TRPM3: variants seen among roughly 807,000 people sequenced by gnomAD.
The protein encoded by TRPM3 is long transient receptor potential channel 3.
In TRPM3, 77 loss-of-function variants were observed where a neutral mutation model predicts 181.2. The observed-to-expected ratio is 0.42, with a 90% confidence interval of 0.35 to 0.51. TRPM3 has a LOEUF of 0.51. TRPM3 is among the 20% of genes least tolerant of loss of function. TRPM3 has a pLI of 0.01. For synonymous variants in TRPM3, 745 were observed against 796.4 expected (o/e 0.94, Z 1.09); for missense variants, 1,759 against 2,196.7 (o/e 0.80, Z 3.98).
intron 1 of TRPM3, among the ~76,000 whole-genome samples, chr9:71,075,853 G>A (rs1160761413): frequency 5.9e-5 from 9 of 152,128 alleles, no homozygotes; most frequent in Non-Finnish European, 1.3e-4. Flanking sequence ...TCATGTCAAC[G>A]GAGTGCATTA....
In TRPM3 at chr9:70,942,352, C is replaced by T. The variant is rs540546184; in HGVS notation, c.178-77841G>A. 2.0e-5 allele frequency among the ~76,000 whole-genome samples: 3 copies of T among 152,250 alleles called. No homozygotes were observed. In the South Asian group the frequency reaches 6.2e-4, roughly 32 times the overall value. On this transcript the variant is annotated intron_variant, in intron 1 of 25. Transcript: ENST00000677713. ...GGAATCTGAGGCAAAGAAGAGATTA[C>T]TATAAACATATCTAGGCCAAAATGC...
At chr9:70,949,709 G>A (rs2096976797) in intron 1 of TRPM3, among the ~76,000 whole-genome samples, 1 of 151,994 alleles carries the variant, frequency 6.6e-6, no homozygotes, top group African/African-American at 2.4e-5. Flanking sequence ...CAACCTGAAT[G>A]TAATCTTAAA....
chr9:71,100,931 A>G (rs1191328956), intron 1 of TRPM3, among the ~76,000 whole-genome samples: 6 of 152,096 alleles, frequency 3.9e-5, no homozygotes, highest in Non-Finnish European at 8.8e-5. Flanking sequence ...TACATTTTCT[A>G]TCCTGGCAAG....
chr9:71,380,681 T>C (rs1188595725), intron 1 of TRPM3, among the ~76,000 whole-genome samples: 1 of 152,098 alleles, frequency 6.6e-6, no homozygotes, highest in Middle Eastern at 3.2e-3. Context: ...AAAATAAAAG[T>C]GACTTTATTA....
intron 1 of TRPM3, among the ~76,000 whole-genome samples, chr9:71,078,440 G>C (rs990011442): frequency 9.9e-5 from 15 of 152,224 alleles, no homozygotes; most frequent in African/African-American, 3.1e-4. Context: ...TGCTTCTTGG[G>C]AGAAAGCATT....
chr9:70,635,461 G>GA (rs1458615699), intron 11 of TRPM3, among the ~76,000 whole-genome samples, 200 bp from the exon 12 acceptor site: 39 of 68,846 alleles, frequency 5.7e-4, no homozygotes, highest in Non-Finnish European at 9.4e-4. Context: ...CTTTGTCAGT[G>GA]ATTTTTTTTT....
chr9:70,573,873 C>T (rs2053131445), intron 22 of TRPM3, among the ~76,000 whole-genome samples: 1 of 151,916 alleles, frequency 6.6e-6, no homozygotes, highest in Non-Finnish European at 1.5e-5. Flanking sequence ...GGGAAAACAG[C>T]TCCTAACCTG....
chr9:71,438,531 G>T (rs2094084090), intron 1 of TRPM3, among the ~76,000 whole-genome samples: 1 of 152,036 alleles, frequency 6.6e-6, no homozygotes, highest in South Asian at 2.1e-4. Context: ...AAATTAGCAG[G>T]GTGTGGTGGC....
At chr9:70,762,753 C>A (rs543522103) in intron 7 of TRPM3, among the ~76,000 whole-genome samples, 11 of 152,278 alleles carry the variant, frequency 7.2e-5, no homozygotes, top group Admixed American at 2.0e-4. Flanking sequence ...GACATTTTAG[C>A]CAGAAAGAGC....
intron 22 of TRPM3, among the ~76,000 whole-genome samples, chr9:70,564,465 C>T (rs754367475): frequency 5.3e-5 from 8 of 152,154 alleles, no homozygotes; most frequent in Non-Finnish European, 1.0e-4. Context: ...TCCACACTAC[C>T]TCAGCCTACA....
At chr9:70,646,442 C>T (rs1263501387) in intron 9 of TRPM3, among the ~76,000 whole-genome samples, 3 of 152,038 alleles carry the variant, frequency 2.0e-5, no homozygotes, top group Admixed American at 6.6e-5. Context: ...ATCTGGAAAC[C>T]ATCATTCTCA....
In TRPM3 at chr9:71,121,431, T is replaced by C. The variant is rs566598010; in HGVS notation, c.-77A>G. 8 of 1,538,276 alleles carry C rather than the reference T, an allele frequency of 5.2e-6. No homozygotes were observed. The African/African-American group carries it at 9.6e-5, about 19-fold the overall frequency. On this transcript the variant is annotated 5_prime_UTR_variant, in exon 1 of 26. Transcript: ENST00000677713. ...AACTTGGAAGACTAGTCAAGTAGCC[T>C]TGCCTGAGCCCCTGAACCTTCTTAA...
intron 6 of TRPM3, chr9:70,827,631 T>C (rs1389668847): frequency 1.2e-5 from 6 of 482,970 alleles, no homozygotes; most frequent in Non-Finnish European, 2.2e-5. Context: ...ACATGATACA[T>C]AAGCTGGAGT....
At chr9:70,612,270 G>C (rs548276277) in intron 18 of TRPM3, among the ~76,000 whole-genome samples, 1 of 152,302 alleles carries the variant, frequency 6.6e-6, no homozygotes, top group East Asian at 1.9e-4. Context: ...CACAAAGCTA[G>C]TTTCACAAAG....
At chr9:70,830,976 G>A (rs1322026313) in intron 5 of TRPM3, among the ~76,000 whole-genome samples, 3 of 152,078 alleles carry the variant, frequency 2.0e-5, no homozygotes, top group Non-Finnish European at 4.4e-5. Context: ...TGTTTTGCAC[G>A]AGATAGAAAT....
intron 1 of TRPM3, among the ~76,000 whole-genome samples, chr9:71,319,984 C>A (rs1330125231): frequency 6.6e-6 from 1 of 152,066 alleles, no homozygotes; most frequent in Non-Finnish European, 1.5e-5. Flanking sequence ...TAAAATTAGA[C>A]TATATGGGCA....
At chr9:71,363,145 T>C (rs1202726845) in intron 1 of TRPM3, among the ~76,000 whole-genome samples, 1 of 152,204 alleles carries the variant, frequency 6.6e-6, no homozygotes, top group Non-Finnish European at 1.5e-5. Flanking sequence ...GTGGGCTCTG[T>C]TGGAACCCAA....
chr9:70,864,525 C>CAAAAAAAAAAAAAA lies in TRPM3; in HGVS notation c.178-28_178-15dup, dbSNP rs71367234. On this transcript the variant is annotated splice_polypyrimidine_tract_variant and intron_variant, in intron 1 of 25. Transcript: ENST00000677713. Reference sequence around the variant, plus strand: ...GGATTTCTGAGCCTGAAAAAGAAAACAAAAAAAAAAAAAAAAGAAAAAAGA... The same window carrying CAAAAAAAAAAAAAA: ...GGATTTCTGAGCCTGAAAAAGAAAACAAAAAAAAAAAAAAAAAAAAAAAAAAAAAAGAAAAAAGA... 1.8e-4 allele frequency: 158 copies of CAAAAAAAAAAAAAA among 899,318 alleles called. 5 individuals carry two copies. The highest frequency in any genetic ancestry group is 5.7e-4 in the South Asian group (15 of 26,216). 55.7% of individuals were successfully genotyped at this position (899,318 alleles called of 1,614,324 possible). A position where few individuals can be genotyped will look rare whatever the true frequency, so the allele number is the denominator to read the frequency against.
chr9:71,031,982 AT>A (rs1364295918), intron 1 of TRPM3, among the ~76,000 whole-genome samples: 4 of 1,176 alleles, frequency 3.4e-3, no homozygotes, highest in African/African-American at 0.014. Context: ...TTATATATAT[AT>A]ATATTATATA....
Sources: gnomAD v4.1 joint callset for allele counts (sites outside exome capture counted in the v4.1 genomes callset) on GRCh38, gnomAD v4.1.1 for gene constraint, MANE v1.5 for transcripts, NCBI Gene and HGNC (gene_info 2026-07-23, HGNC 2026-07-21) for gene names.